Variants in SLC16A14 observed in about 807,000 individuals in gnomAD.
SLC16A14 encodes the protein monocarboxylate transporter 14.
SLC16A14 carries 14 observed loss-of-function variants against 35.8 expected under a neutral mutation model. The ratio of observed to expected loss-of-function variants is 0.39; its 90% CI spans 0.26 to 0.61. The LOEUF is 0.61. Ranked by LOEUF, SLC16A14 falls within the 20% of genes least tolerant of loss-of-function variation. The probability of loss-of-function intolerance (pLI) is 0.51; values close to 1 mark genes in which losing one functional copy is unlikely to be tolerated. For missense variants in SLC16A14, 533 were observed against 655.0 expected (o/e 0.81, Z 2.03); for synonymous variants, 248 against 258.9 (o/e 0.96, Z 0.40).
chr2:230,049,880 T>A lies in SLC16A14; in HGVS notation c.284A>T (p.Asn95Ile), dbSNP rs777452187. The change falls in exon 3 of 5, where the codon AAC becomes ATC. Residue 95 changes from asparagine (N) to isoleucine (I), a missense_variant. Coordinates refer to ENST00000295190, the MANE Select transcript of SLC16A14 (RefSeq NM_152527.5). ...IVGPFIGLFI[N>I]TCGCRQTAII... ...CGCAGTCTGGCGGCACCCACAGGTG[T>A]TAATGAACAAGCCGATGAAAGGGCC... The A allele has an allele frequency of 1.9e-6, 3 of 1,614,036 alleles. No homozygotes were observed. The highest frequency in any genetic ancestry group is 2.5e-6 in the Non-Finnish European group (3 of 1,180,004).
Position 230,046,153 on chromosome 2 carries a change from A to G in SLC16A14, c.973T>C (p.Phe325Leu), listed in dbSNP as rs1365234875. ...GGGATGACAAAGCTGCTGTATGCAA[A>G]CAAAGCCCAGAAAATAAAGGCTACA... The part of the protein sequence containing the change: ...MFVAFIFWAL[F>L]AYSSFVIPFI... The change falls in exon 4 of 5, where the codon TTT (phenylalanine) becomes CTT (leucine). Residue 325 changes from phenylalanine (F) to leucine (L), a missense_variant. Phe to Leu is a conservative substitution (Grantham distance 22). Coordinates refer to ENST00000295190, the MANE Select transcript of SLC16A14 (RefSeq NM_152527.5). This position sits in a 1 kb window ranked among gnomAD's most constrained non-coding sequence, Gnocchi z 5.0. 6.2e-7 allele frequency: 1 copy of G among 1,613,944 alleles called. No individual in the cohort carries two copies. The highest frequency in any genetic ancestry group is 8.5e-7 in the Non-Finnish European group (1 of 1,179,900).
chr2:230,046,136 A>T lies in SLC16A14; in HGVS notation c.990T>A (p.Phe330Leu). The change falls in exon 4 of 5, where the codon TTT (phenylalanine) becomes TTA (leucine). Residue 330 changes from phenylalanine (F) to leucine (L), a missense_variant. Physicochemically the swap from Phe to Leu is conservative, Grantham distance 22 (BLOSUM62 0). Coordinates refer to ENST00000295190, the MANE Select transcript of SLC16A14 (RefSeq NM_152527.5). The surrounding 1 kb of genome is among the most constrained non-coding windows in gnomAD (Gnocchi z 5.0). Reference protein sequence around the residue: ...IFWALFAYSSFVIPFIHLPEI... With the variant: ...IFWALFAYSSLVIPFIHLPEI... Reference sequence around the variant, plus strand: ...CTGGGAGGTGAATGAAGGGGATGACAAAGCTGCTGTATGCAAACAAAGCCC... The same window carrying T: ...CTGGGAGGTGAATGAAGGGGATGACTAAGCTGCTGTATGCAAACAAAGCCC... 1 of 1,613,932 alleles carries T rather than the reference A, an allele frequency of 6.2e-7. No individual in the cohort carries two copies. The highest frequency in any genetic ancestry group is 8.5e-7 in the Non-Finnish European group (1 of 1,179,746).
intron 1 of SLC16A14, among the ~76,000 whole-genome samples, chr2:230,063,582 CAAT>C (rs1167757347): frequency 6.6e-6 from 1 of 152,076 alleles, no homozygotes; most frequent in Non-Finnish European, 1.5e-5. Flanking sequence ...GGTCTCTCAT[CAAT>C]AATAAAGTTC....
Position 230,044,704 on chromosome 2 carries a change from T to TTGTGTGTG in SLC16A14, c.1381+1033_1381+1040dup, listed in dbSNP as rs751868776. Reference sequence around the variant, plus strand: ...GAACAGTAAGATAATAAGTCTGTATTTGTGTGTGTGTGTGTGTGTGTGTGT... The same window carrying TTGTGTGTG: ...GAACAGTAAGATAATAAGTCTGTATTTGTGTGTGTGTGTGTGTGTGTGTGTGTGTGTGT... On this transcript the variant is annotated intron_variant, in intron 4 of 4. Coordinates refer to ENST00000295190, the MANE Select transcript of SLC16A14 (RefSeq NM_152527.5). Among the ~76,000 whole-genome samples, 446 of 132,558 alleles carry TTGTGTGTG rather than the reference T, an allele frequency of 3.4e-3. 3 individuals are homozygous for TTGTGTGTG. The highest frequency in any genetic ancestry group is 0.013 in the East Asian group (56 of 4,246). 87.0% of individuals were successfully genotyped at this position (132,558 alleles called of 152,430 possible). A position where few individuals can be genotyped will look rare whatever the true frequency, so the allele number is the denominator to read the frequency against.
rs542278577 is a variant in SLC16A14, at chr2:230,041,427, A to G, written c.1382-3896T>C. The stretch of plus-strand genomic sequence containing the variant: ...CAGTGGCATGATCTCAGCTCACTGT[A>G]ACCTCCGTCTCCCGGGTTCAAGCAA... On this transcript the variant is annotated intron_variant, in intron 4 of 4. Transcript: ENST00000295190. Among the ~76,000 whole-genome samples, 3 of 152,230 alleles carry G rather than the reference A, an allele frequency of 2.0e-5. No individual in the cohort carries two copies. The South Asian group carries it at 6.2e-4, about 32-fold the overall frequency.
chr2:230,049,079 A>ATTATTATTATTG (rs2077634908), intron 3 of SLC16A14, among the ~76,000 whole-genome samples: 1 of 147,230 alleles, frequency 6.8e-6, no homozygotes, highest in Admixed American at 6.8e-5. Context: ...TATTATTATT[A>ATTATTATTATTG]TTATTATTGA....
In SLC16A14 at chr2:230,060,692, G is replaced by T. The variant is rs184480973; in HGVS notation, c.-14-1326C>A. On this transcript the variant is annotated intron_variant, in intron 1 of 4. Coordinates refer to ENST00000295190, the MANE Select transcript of SLC16A14 (RefSeq NM_152527.5). ...CATTTTTCATGGTTTTTTTTGGGGG[G>T]AGGGGATGAGAATTAAGTGTGTGTA... Among the ~76,000 whole-genome samples the T allele has an allele frequency of 2.4e-3, 301 of 126,800 alleles. 6 individuals are homozygous for T. The South Asian group carries it at 0.027, about 11-fold the overall frequency. The allele number at this position is 126,800 out of a possible 152,430, so 83.2% of individuals were successfully genotyped here. A position where few individuals can be genotyped will look rare whatever the true frequency, so the allele number is the denominator to read the frequency against.
chr2:230,039,786 TG>T (rs1400988195), intron 4 of SLC16A14, among the ~76,000 whole-genome samples: 6 of 152,234 alleles, frequency 3.9e-5, no homozygotes, highest in Non-Finnish European at 8.8e-5. Context: ...AACAAACAGC[TG>T]AACGGCTTGT....
intron 2 of SLC16A14, among the ~76,000 whole-genome samples, chr2:230,053,610 G>A (rs4973249): frequency 0.87 from 131,444 of 151,958 alleles, 57,615 homozygotes; most frequent in East Asian, 0.99. Context: ...GTGAAACCCC[G>A]TTTCTACTAC....
At chr2:230,056,276 A>G (rs1294165193) in intron 2 of SLC16A14, among the ~76,000 whole-genome samples, 2 of 125,726 alleles carry the variant, frequency 1.6e-5, no homozygotes, top group South Asian at 5.1e-4. Flanking sequence ...TTTTTTTGAG[A>G]CGTAGTCTCA....
chr2:230,061,518 G>A (rs12470558), intron 1 of SLC16A14, among the ~76,000 whole-genome samples: 33,230 of 152,042 alleles, frequency 0.22, 4,052 homozygotes, highest in Non-Finnish European at 0.27. Context: ...ATGTGTTGCC[G>A]CCTTTCTCAG....
Position 230,059,289 on chromosome 2 carries a change from G to A in SLC16A14, c.64C>T (p.Leu22=), listed in dbSNP as rs193136097. The change falls in exon 2 of 5, where the codon CTG becomes TTG. Residue 22 remains leucine, a synonymous_variant. Coordinates refer to ENST00000295190, the MANE Select transcript of SLC16A14 (RefSeq NM_152527.5). Reference sequence around the variant, plus strand: ...CCATCAATGTTTGGGTGGGGCTTCAGTGTCTTTTTGTCTTTGGGGCCATCT... The same window carrying A: ...CCATCAATGTTTGGGTGGGGCTTCAATGTCTTTTTGTCTTTGGGGCCATCT... ...FEDGPKDKKT[L]KPHPNIDGGW... 7.9e-5 allele frequency: 127 copies of A among 1,613,316 alleles called. No homozygotes were observed. In the African/African-American group the frequency reaches 1.4e-3, roughly 18 times the overall value.
Position 230,035,898 on chromosome 2 carries a change from G to A in SLC16A14, c.*1482C>T, listed in dbSNP as rs1164330579. On this transcript the variant is annotated 3_prime_UTR_variant, in exon 5 of 5. Coordinates refer to ENST00000295190, the MANE Select transcript of SLC16A14 (RefSeq NM_152527.5). ...ACTTGTTAACAGCTCAGAAGGGCAT[G>A]GTTGAGTATAACTGAAACTGCTGGC... 6.6e-6 allele frequency: 1 copy of A among 152,558 alleles called. No homozygotes were observed. The highest frequency in any genetic ancestry group is 1.5e-5 in the Non-Finnish European group (1 of 68,044). 9.5% of individuals were successfully genotyped at this position (152,558 alleles called of 1,614,324 possible). A position where few individuals can be genotyped will look rare whatever the true frequency, so the allele number is the denominator to read the frequency against.
Position 230,035,550 on chromosome 2 carries a change from A to C in SLC16A14, c.*1830T>G, listed in dbSNP as rs2077513700. On this transcript the variant is annotated 3_prime_UTR_variant, in exon 5 of 5. Coordinates refer to ENST00000295190, the MANE Select transcript of SLC16A14 (RefSeq NM_152527.5). ...CACAGAGAGAGATAGAGGAGGGAGCATTGCCTCAGCTTTAAGATTATCTTT... is the reference window on the plus strand; with the variant it reads ...CACAGAGAGAGATAGAGGAGGGAGCCTTGCCTCAGCTTTAAGATTATCTTT... The C allele has an allele frequency of 1.3e-5, 2 of 152,576 alleles. No individual in the cohort carries two copies. The highest frequency in any genetic ancestry group is 2.1e-4 in the South Asian group (1 of 4,826). 9.5% of individuals were successfully genotyped at this position (152,576 alleles called of 1,614,324 possible).
At chr2:230,039,955 G>A (rs1399447416) in intron 4 of SLC16A14, among the ~76,000 whole-genome samples, 2 of 152,154 alleles carry the variant, frequency 1.3e-5, no homozygotes, top group African/African-American at 4.8e-5. Context: ...CAGGCTCTGT[G>A]ATGTGGCCCC....
chr2:230,062,251 G>T (rs1013522967), intron 1 of SLC16A14, among the ~76,000 whole-genome samples: 2 of 152,074 alleles, frequency 1.3e-5, no homozygotes, highest in Non-Finnish European at 2.9e-5. Context: ...TTCTGATGTG[G>T]ACGGGTAGGA....
rs1553819285 is a variant in SLC16A14 at position 230,048,935 on chromosome 2, A to AAAAC, written c.403+825_403+826insGTTT. On this transcript the variant is annotated intron_variant, in intron 3 of 4. Coordinates refer to ENST00000295190, the MANE Select transcript of SLC16A14 (RefSeq NM_152527.5). ...TGAAACTCCATCTCAAAAAAAAAAA[A>AAAAC]AAAAAAAAAACAAATGATTATTAAA... 8.9e-4 allele frequency among the ~76,000 whole-genome samples: 118 copies of AAAAC among 131,916 alleles called. 2 individuals are homozygous for AAAAC. The highest frequency in any genetic ancestry group is 1.7e-3 in the South Asian group (7 of 4,022). The allele number at this position is 131,916 out of a possible 152,430, so 86.5% of individuals were successfully genotyped here.
chr2:230,044,925 C>T (rs1252293277), intron 4 of SLC16A14, among the ~76,000 whole-genome samples: 2 of 151,982 alleles, frequency 1.3e-5, no homozygotes, highest in East Asian at 1.9e-4. Flanking sequence ...AACTTATTAT[C>T]GCAACAATAG....
At chr2:230,061,360 C>G (rs1020924334) in intron 1 of SLC16A14, among the ~76,000 whole-genome samples, 3 of 152,178 alleles carry the variant, frequency 2.0e-5, no homozygotes, top group African/African-American at 7.2e-5. Flanking sequence ...GAAGTTATTT[C>G]AAGAACTCCT....
Sources: allele counts gnomAD v4.1 joint callset (sites outside exome capture counted in the v4.1 genomes callset), GRCh38; gene constraint gnomAD v4.1.1; non-coding constraint Gnocchi (gnomAD v3.1); transcripts MANE v1.5; gene names NCBI Gene and HGNC (gene_info 2026-07-23, HGNC 2026-07-21).